UBE2G1: variants seen among roughly 807,000 people sequenced by gnomAD.
The protein encoded by UBE2G1 is ubiquitin conjugating enzyme E2 G1.
In UBE2G1, 5 loss-of-function variants were observed where a neutral mutation model predicts 22.7. The observed-to-expected ratio is 0.22, with a 90% CI of 0.12 to 0.46. UBE2G1 has a LOEUF of 0.46. UBE2G1 is among the 20% of genes least tolerant of loss of function. The pLI is 0.99. For synonymous variants in UBE2G1, 74 were observed against 67.5 expected (o/e 1.10, Z -0.47); for missense variants, 88 against 203.9 (o/e 0.43, Z 3.46).
intron 1 of UBE2G1, among the ~76,000 whole-genome samples, chr17:4,352,694 A>T (rs1044388457): frequency 2.0e-5 from 3 of 152,182 alleles, no homozygotes; most frequent in Non-Finnish European, 4.4e-5. Flanking sequence ...TGGCTGTATT[A>T]TAGATAATAC....
intron 3 of UBE2G1, among the ~76,000 whole-genome samples, chr17:4,294,191 A>G (rs910858604): frequency 6.6e-6 from 1 of 152,162 alleles, no homozygotes; most frequent in Non-Finnish European, 1.5e-5. Flanking sequence ...TGAGGCAGAC[A>G]GATCACATGA....
At chr17:4,294,415 C>CAAAAAAAAAAAAAAAAAA (rs68047533) in intron 3 of UBE2G1, among the ~76,000 whole-genome samples, 1 of 117,176 alleles carries the variant, frequency 8.5e-6, no homozygotes, top group Non-Finnish European at 1.7e-5. Flanking sequence ...GACTCCGTCT[C>CAAAAAAAAAAAAAAAAAA]AAAAAAAAAA....
rs543548080 is a variant in UBE2G1 at position 4,282,710 on chromosome 17, G to T, written c.*37+88C>A. 6.1e-6 allele frequency: 5 copies of T among 814,248 alleles called. No individual in the cohort carries two copies. The East Asian group carries it at 8.2e-5, about 13-fold the overall frequency. 50.4% of individuals were successfully genotyped at this position (814,248 alleles called of 1,614,324 possible). Reference sequence around the variant, plus strand: ...TAAAAAATGAAGTCAATGAAAAAATGTAATTCAAATACCCAAATCACACAA... The same window carrying T: ...TAAAAAATGAAGTCAATGAAAAAATTTAATTCAAATACCCAAATCACACAA... On this transcript the variant is annotated intron_variant, in intron 5 of 5. Transcript: ENST00000396981.
intron 1 of UBE2G1, among the ~76,000 whole-genome samples, chr17:4,365,284 G>A (rs893143902): frequency 6.6e-6 from 1 of 152,220 alleles, no homozygotes; most frequent in Non-Finnish European, 1.5e-5. Context: ...CTGGCAGCAC[G>A]TGGGGCTGCA....
intron 1 of UBE2G1, among the ~76,000 whole-genome samples, chr17:4,358,614 T>C (rs1044422219): frequency 6.6e-5 from 10 of 152,154 alleles, no homozygotes; most frequent in Non-Finnish European, 1.2e-4. Context: ...TGATGTCCAG[T>C]TTACTAATAT....
At chr17:4,305,635 G>A (rs747331370) in intron 2 of UBE2G1, among the ~76,000 whole-genome samples, 10 of 152,250 alleles carry the variant, frequency 6.6e-5, no homozygotes, top group East Asian at 1.9e-4. Context: ...TCCACCTCCC[G>A]GATTCAAGCG....
intron 2 of UBE2G1, chr17:4,301,974 C>A: frequency 2.0e-6 from 1 of 488,420 alleles, no homozygotes; most frequent in Non-Finnish European, 4.1e-6. Context: ...CTAATCTGTG[C>A]CTTCCTTGGC....
At chr17:4,283,278 C>T (rs1473774616) in intron 4 of UBE2G1, among the ~76,000 whole-genome samples, 3 of 152,170 alleles carry the variant, frequency 2.0e-5, no homozygotes, top group Non-Finnish European at 4.4e-5. Flanking sequence ...GCTGGGAGGC[C>T]GAGGTGGGCG....
chr17:4,289,989 C>A (rs1392088649), intron 3 of UBE2G1, among the ~76,000 whole-genome samples: 2 of 152,146 alleles, frequency 1.3e-5, no homozygotes, highest in African/African-American at 2.4e-5. Flanking sequence ...ACATATACGA[C>A]ACTCAAGAGG....
At chr17:4,357,636 C>G (rs956517047) in intron 1 of UBE2G1, among the ~76,000 whole-genome samples, 2 of 151,928 alleles carry the variant, frequency 1.3e-5, no homozygotes, top group African/African-American at 4.8e-5. Context: ...CCACATATCC[C>G]TCATGTCCCT....
Position 4,296,784 on chromosome 17 carries a change from A to G in UBE2G1, c.180T>C (p.Thr60=), listed in dbSNP as rs770816621. ...YEGGVFKAHL[T]FPKDYPLRPP... ...GTCGGAGGGGATAATCTTTTGGGAA[A>G]GTAAGATGAGCCTTAAAAACACCAC... The change falls in exon 3 of 6, where the codon ACT becomes ACC. Residue 60 remains threonine, a synonymous_variant. Coordinates refer to ENST00000396981, the MANE Select transcript of UBE2G1 (RefSeq NM_003342.5). 1 of 1,613,992 alleles carries G rather than the reference A, an allele frequency of 6.2e-7. No homozygotes were observed. The highest frequency in any genetic ancestry group is 8.5e-7 in the Non-Finnish European group (1 of 1,179,922).
intron 1 of UBE2G1, among the ~76,000 whole-genome samples, chr17:4,336,074 A>AG (rs1969642205): frequency 6.6e-6 from 1 of 152,074 alleles, no homozygotes; most frequent in Non-Finnish European, 1.5e-5. Context: ...TGAACCCGGG[A>AG]GGTGGAGGTT....
At chr17:4,365,509 G>A (rs1406511718) in intron 1 of UBE2G1, among the ~76,000 whole-genome samples, 2 of 152,172 alleles carry the variant, frequency 1.3e-5, no homozygotes, top group Non-Finnish European at 1.5e-5. Context: ...CAGAGCCTGC[G>A]GGCGCAGCTC....
At position 4,271,183 on chromosome 17, in the gene UBE2G1, C is replaced by G. The variant is rs1968754873; in HGVS notation, c.*1371G>C. 6.6e-6 allele frequency: 1 copy of G among 152,512 alleles called. No homozygotes were observed. The highest frequency in any genetic ancestry group is 2.4e-5 in the African/African-American group (1 of 41,460). 9.4% of individuals were successfully genotyped at this position (152,512 alleles called of 1,614,324 possible). On this transcript the variant is annotated 3_prime_UTR_variant, in exon 6 of 6. Coordinates refer to ENST00000396981, the MANE Select transcript of UBE2G1 (RefSeq NM_003342.5). ...TATATTGAAGCTCAAACATTAATCA[C>G]ATCCAAGTGTACTATTGTTAGTGAC...
intron 1 of UBE2G1, among the ~76,000 whole-genome samples, chr17:4,363,950 C>CA (rs1195720643): frequency 0.018 from 770 of 43,868 alleles, 44 homozygotes; most frequent in Admixed American, 0.027. Flanking sequence ...GACTCCGTCT[C>CA]AAAAAAAAAA....
rs571604569 is a variant in UBE2G1, at chr17:4,314,728, C to A, written c.47-7605G>T. Among the ~76,000 whole-genome samples, 5 of 152,210 alleles carry A rather than the reference C, an allele frequency of 3.3e-5. No individual in the cohort carries two copies. In the South Asian group the frequency reaches 6.2e-4, roughly 19 times the overall value. On this transcript the variant is annotated intron_variant, in intron 1 of 5. Coordinates refer to ENST00000396981, the MANE Select transcript of UBE2G1 (RefSeq NM_003342.5). ...TACAGTCTCCTGAAAAATGAACAAA[C>A]CACCACATATGAAGTAATCTCACCT...
At chr17:4,347,945 C>T (rs1370825507) in intron 1 of UBE2G1, among the ~76,000 whole-genome samples, 2 of 152,182 alleles carry the variant, frequency 1.3e-5, no homozygotes, top group Non-Finnish European at 2.9e-5. Flanking sequence ...TCCTGTCTGT[C>T]TCCCTGATTC....
chr17:4,348,314 G>A (rs541451970), intron 1 of UBE2G1, among the ~76,000 whole-genome samples: 1 of 151,944 alleles, frequency 6.6e-6, no homozygotes, highest in Non-Finnish European at 1.5e-5. Flanking sequence ...AGCACTTTGG[G>A]AGGCCGAGGC....
intron 1 of UBE2G1, among the ~76,000 whole-genome samples, chr17:4,357,720 C>A (rs1048448620): frequency 6.6e-6 from 1 of 152,004 alleles, no homozygotes; most frequent in African/African-American, 2.4e-5. Context: ...GGTGCCAAGA[C>A]CACCCATAAA....
Sources: allele counts gnomAD v4.1 joint callset (sites outside exome capture counted in the v4.1 genomes callset), GRCh38; gene constraint gnomAD v4.1.1; transcripts MANE v1.5; gene names NCBI Gene and HGNC (gene_info 2026-07-23, HGNC 2026-07-21).